The following MPPED2 variants were observed in gnomAD, a reference collection of about 807,000 sequenced individuals.
The protein encoded by MPPED2 is metallophosphoesterase MPPED2.
In MPPED2, 5 loss-of-function variants were observed where a neutral mutation model predicts 33.0. The observed-to-expected ratio is 0.15, with a 90% CI of 0.08 to 0.32. The LOEUF is 0.32. Ranked by LOEUF, MPPED2 falls within the 10% of genes least tolerant of loss-of-function variation. The pLI is 1.00. For missense variants in MPPED2, 275 were observed against 372.1 expected, an observed-to-expected ratio of 0.74 and a Z score of 2.15; for synonymous variants, 136 against 141.9, an observed-to-expected ratio of 0.96 and a Z score of 0.29.
intron 4 of MPPED2, among the ~76,000 whole-genome samples, chr11:30,485,726 C>T (rs1951715555): frequency 6.6e-6 from 1 of 152,128 alleles, no homozygotes; most frequent in South Asian, 2.1e-4. Flanking sequence ...TTTTGGAGAA[C>T]AGTTTCAACA....
At chr11:30,430,630 G>A (rs1949036927) in intron 4 of MPPED2, among the ~76,000 whole-genome samples, 1 of 152,132 alleles carries the variant, frequency 6.6e-6, no homozygotes, top group Non-Finnish European at 1.5e-5. Flanking sequence ...AAGTAAAAAT[G>A]CTATGCACAG....
At chr11:30,572,281 A>G (rs1956730744) in intron 2 of MPPED2, among the ~76,000 whole-genome samples, 1 of 152,198 alleles carries the variant, frequency 6.6e-6, no homozygotes, top group South Asian at 2.1e-4. Flanking sequence ...ACAAAAAGCA[A>G]ATCTAATTTT....
At chr11:30,556,585 A>G (rs1455464488) in intron 2 of MPPED2, among the ~76,000 whole-genome samples, 3 of 152,194 alleles carry the variant, frequency 2.0e-5, no homozygotes, top group African/African-American at 7.2e-5. Flanking sequence ...AGCATGGCCT[A>G]TAGATTCAGG....
At chr11:30,466,651 G>T (rs1950718260) in intron 4 of MPPED2, among the ~76,000 whole-genome samples, 1 of 152,242 alleles carries the variant, frequency 6.6e-6, no homozygotes, top group Non-Finnish European at 1.5e-5. Context: ...CATCAATACT[G>T]AAGGGGCAGT....
rs752460162 is a variant in MPPED2 at position 30,401,874 on chromosome 11, C to A, written c.766+12354G>T. On this transcript the variant is annotated intron_variant, in intron 6 of 6. Coordinates refer to the MPPED2 transcript ENST00000448418. ...TAATTTTTTGTATTTTTTTTTTTTT[C>A]TTTTAGTAGAGACAGGGTTTCACCG... 1.3e-4 allele frequency among the ~76,000 whole-genome samples: 11 copies of A among 81,860 alleles called. 1 individual carries two copies. The highest frequency in any genetic ancestry group is 3.7e-4 in the Non-Finnish European group (10 of 26,896). 53.7% of individuals were successfully genotyped at this position (81,860 alleles called of 152,430 possible).
intron 2 of MPPED2, among the ~76,000 whole-genome samples, chr11:30,539,887 C>A (rs1955006439): frequency 6.6e-6 from 1 of 152,162 alleles, no homozygotes; most frequent in South Asian, 2.1e-4. Flanking sequence ...CTCAGCCTCC[C>A]AAAGTGCTGA....
At chr11:30,442,481 G>T (rs1420921026) in intron 4 of MPPED2, among the ~76,000 whole-genome samples, 1 of 152,136 alleles carries the variant, frequency 6.6e-6, no homozygotes, top group Non-Finnish European at 1.5e-5. Flanking sequence ...TCTGATCAGG[G>T]AACCAAATGT....
At chr11:30,452,531 TG>T (rs1201179067) in intron 4 of MPPED2, among the ~76,000 whole-genome samples, 1 of 152,176 alleles carries the variant, frequency 6.6e-6, no homozygotes, top group African/African-American at 2.4e-5. Context: ...ATCACTGCAG[TG>T]TTTGTGAGAA....
chr11:30,397,176 A>C (rs1039697628), intron 6 of MPPED2, among the ~76,000 whole-genome samples: 14 of 152,138 alleles, frequency 9.2e-5, no homozygotes, highest in African/African-American at 3.4e-4. Context: ...TAGAAGTTAA[A>C]CCCTTAAAAG....
At chr11:30,583,127 A>AGTTTTT (rs1957248264) in intron 1 of MPPED2, among the ~76,000 whole-genome samples, 2 of 86,946 alleles carry the variant, frequency 2.3e-5, no homozygotes, top group Non-Finnish European at 4.5e-5. Context: ...CCTGGAAAAG[A>AGTTTTT]CTTTTTCTTT....
chr11:30,479,555 T>C (rs1489476134), intron 4 of MPPED2, among the ~76,000 whole-genome samples: 2 of 152,052 alleles, frequency 1.3e-5, no homozygotes, highest in East Asian at 3.9e-4. Context: ...ATATTTAAAA[T>C]AGTGTAAGCA....
intron 4 of MPPED2, among the ~76,000 whole-genome samples, chr11:30,446,048 T>C (rs905159497): frequency 1.3e-5 from 2 of 152,226 alleles, no homozygotes; most frequent in African/African-American, 4.8e-5. Flanking sequence ...CTGTTTCTAA[T>C]ACCATCATTT....
At chr11:30,565,102 C>T (rs1048216247) in intron 2 of MPPED2, among the ~76,000 whole-genome samples, 1 of 152,144 alleles carries the variant, frequency 6.6e-6, no homozygotes, top group African/African-American at 2.4e-5. Flanking sequence ...TGTGGAACTC[C>T]GTGCAGCCTG....
chr11:30,465,917 C>CT, intron 4 of MPPED2, among the ~76,000 whole-genome samples: 1 of 152,292 alleles, frequency 6.6e-6, no homozygotes, highest in African/African-American at 2.4e-5. Context: ...TGAGGGATGA[C>CT]TGTATAGGGC....
At chr11:30,501,353 C>A (rs1952552285) in intron 3 of MPPED2, among the ~76,000 whole-genome samples, 1 of 152,164 alleles carries the variant, frequency 6.6e-6, no homozygotes, top group African/African-American at 2.4e-5. Flanking sequence ...ACATGTCTTT[C>A]AAACTAACAA....
chr11:30,504,857 A>T (rs1952747623), intron 3 of MPPED2: 1 of 1,199,104 alleles, frequency 8.3e-7, no homozygotes. Flanking sequence ...AACACAGAAA[A>T]CTATATTACA....
At chr11:30,530,414 C>A (rs938047143) in intron 3 of MPPED2, among the ~76,000 whole-genome samples, 1 of 152,216 alleles carries the variant, frequency 6.6e-6, no homozygotes, top group African/African-American at 2.4e-5. Context: ...CAAGAGCACT[C>A]ATTATGCACA....
At chr11:30,449,487 C>T (rs1278896802) in intron 4 of MPPED2, among the ~76,000 whole-genome samples, 1 of 150,424 alleles carries the variant, frequency 6.6e-6, no homozygotes, top group Non-Finnish European at 1.5e-5. Flanking sequence ...AACCCTGTCT[C>T]TACACAAAAA....
chr11:30,393,534 T>C (rs1947805064), intron 6 of MPPED2, among the ~76,000 whole-genome samples: 1 of 152,296 alleles, frequency 6.6e-6, no homozygotes, highest in East Asian at 1.9e-4. Context: ...TACCTGAGTA[T>C]GTATACCATC....
Sources: gnomAD v4.1 joint callset for allele counts (sites outside exome capture counted in the v4.1 genomes callset) on GRCh38, gnomAD v4.1.1 for gene constraint, MANE v1.5 for transcripts, NCBI Gene and HGNC (gene_info 2026-07-23, HGNC 2026-07-21) for gene names.